NR5A1: variants seen among roughly 807,000 people sequenced by gnomAD.
NR5A1 encodes nuclear receptor subfamily 5 group A member 1.
Under a neutral mutation model 42.7 loss-of-function variants are expected in NR5A1, and 6 were observed. That is an observed-to-expected ratio of 0.14 (90% CI 0.08 to 0.28). NR5A1 has a LOEUF of 0.28. NR5A1 is among the 10% of genes least tolerant of loss of function. NR5A1 has a pLI of 1.00. For missense variants in NR5A1, 442 were observed against 626.4 expected (o/e 0.71, Z 3.14); for synonymous variants, 274 against 277.5 (o/e 0.99, Z 0.12).
At chr9:124,488,309 G>C (rs1353944575) in intron 6 of NR5A1, among the ~76,000 whole-genome samples, 1 of 152,158 alleles carries the variant, frequency 6.6e-6, no homozygotes, top group East Asian at 1.9e-4. Flanking sequence ...GAACTGGCCA[G>C]CCAAAGGCCT....
chr9:124,491,852 G>C (rs972453010), intron 5 of NR5A1, among the ~76,000 whole-genome samples: 2 of 151,644 alleles, frequency 1.3e-5, no homozygotes, highest in Non-Finnish European at 2.9e-5. Flanking sequence ...CCCACACACT[G>C]ATGTGTGTGG....
chr9:124,504,888 C>G (rs565232797), intron 1 of NR5A1, among the ~76,000 whole-genome samples: 2,420 of 141,824 alleles, frequency 0.017, 27 homozygotes, highest in Non-Finnish European at 0.026. Context: ...CCCCGCCCCC[C>G]ATCCTGCCTC....
intron 4 of NR5A1, 103 bp from the exon 5 acceptor site, chr9:124,493,252 G>T: frequency 6.9e-7 from 1 of 1,453,764 alleles, no homozygotes. Context: ...CGTGCAGCCT[G>T]GGCAAGCTAA....
At position 124,493,036 on chromosome 9, in the gene NR5A1, C is replaced by T. The variant is rs1832340879; in HGVS notation, c.984G>A (p.Gly328=). Reference sequence around the variant, plus strand: ...GGGCCGAGGGACTGGTCACCTCCTGCCCGGTGACCAGCAGGATGCTGCCCT... The same window carrying T: ...GGGCCGAGGGACTGGTCACCTCCTGTCCGGTGACCAGCAGGATGCTGCCCT... ...GKEGSILLVT[G]QEVELTTVAT... is the part of the protein sequence containing the mutation. The change falls in exon 5 of 7, where the codon GGG becomes GGA. Residue 328 remains glycine (G), a synonymous_variant. Coordinates refer to ENST00000373588, the MANE Select transcript of NR5A1 (RefSeq NM_004959.5). 6.3e-7 allele frequency: 1 copy of T among 1,599,122 alleles called. No individual in the cohort carries two copies. The highest frequency in any genetic ancestry group is 1.1e-5 in the South Asian group (1 of 89,238).
At chr9:124,487,744 C>T (rs1007306136) in intron 6 of NR5A1, among the ~76,000 whole-genome samples, 1 of 152,218 alleles carries the variant, frequency 6.6e-6, no homozygotes, top group Non-Finnish European at 1.5e-5. Flanking sequence ...TGGCAAGTGG[C>T]GGTCCCTCTC....
At chr9:124,490,445 C>A (rs2131276882) in intron 6 of NR5A1, among the ~76,000 whole-genome samples, 1 of 152,274 alleles carries the variant, frequency 6.6e-6, no homozygotes, top group South Asian at 2.1e-4. Context: ...CCCCCAAGTG[C>A]TTGGGGAGTG....
intron 1 of NR5A1, among the ~76,000 whole-genome samples, chr9:124,505,901 G>C (rs1398378568): frequency 6.6e-6 from 1 of 152,218 alleles, no homozygotes; most frequent in Non-Finnish European, 1.5e-5. Context: ...CTGGAGAAAC[G>C]GACCCGAAAG....
At chr9:124,504,205 G>T (rs1461280904) in intron 1 of NR5A1, among the ~76,000 whole-genome samples, 1 of 152,144 alleles carries the variant, frequency 6.6e-6, no homozygotes, top group African/African-American at 2.4e-5. Flanking sequence ...GACGAGAGGA[G>T]CCCCGGAGAG....
chr9:124,492,350 G>A (rs1315703938), intron 5 of NR5A1, among the ~76,000 whole-genome samples: 1 of 55,382 alleles, frequency 1.8e-5, no homozygotes, highest in Non-Finnish European at 3.4e-5. Context: ...TGACCCCTCC[G>A]CCTGCCTCCT....
At chr9:124,492,895 G>T in intron 5 of NR5A1, 135 bp downstream of exon 5, 1 of 1,106,856 alleles carries the variant, frequency 9.0e-7, no homozygotes, top group Non-Finnish European at 1.2e-6. Flanking sequence ...CCATGAACGT[G>T]GGGAAAGGGC....
In NR5A1 at chr9:124,505,940, C is replaced by A. The variant is rs547100019; in HGVS notation, c.-16+1309G>T. On this transcript the variant is annotated intron_variant, in intron 1 of 6. Transcript: ENST00000373588. Reference sequence around the variant, plus strand: ...GGGGCCTGCTTGCATCCTGCCTCCGCCCCCGCTGGCACCTGGGGTCAGAGA... The same window carrying A: ...GGGGCCTGCTTGCATCCTGCCTCCGACCCCGCTGGCACCTGGGGTCAGAGA... Among the ~76,000 whole-genome samples the A allele has an allele frequency of 1.4e-3, 210 of 151,404 alleles. 1 individual carries two copies. Among genetic ancestry groups the A allele is most frequent in the South Asian group, 4.4e-3 (21 of 4,814 alleles).
chr9:124,491,696 A>T (rs778424681), intron 5 of NR5A1, among the ~76,000 whole-genome samples: 12 of 150,192 alleles, frequency 8.0e-5, no homozygotes, highest in Non-Finnish European at 1.8e-4. Context: ...CACACACACG[A>T]GCACAGTCAT....
chr9:124,482,368 G>A lies in NR5A1; in HGVS notation c.*390C>T, dbSNP rs1296334452. 7 of 324,056 alleles carry A rather than the reference G, an allele frequency of 2.2e-5. No homozygotes were observed. Among genetic ancestry groups the A allele is most frequent in the Non-Finnish European group, 4.2e-5 (7 of 165,664 alleles). 20.1% of individuals were successfully genotyped at this position (324,056 alleles called of 1,614,324 possible). ...TTCTCCCTGTCTGTTTCCAGGAGAG[G>A]AGGAAGGGATGACCTCTGATCCAAG... On this transcript the variant is annotated 3_prime_UTR_variant, in exon 7 of 7. Coordinates refer to ENST00000373588, the MANE Select transcript of NR5A1 (RefSeq NM_004959.5).
intron 4 of NR5A1, among the ~76,000 whole-genome samples, chr9:124,499,372 G>A (rs138762615): frequency 1.2e-4 from 19 of 152,274 alleles, no homozygotes; most frequent in Middle Eastern, 3.4e-3. Flanking sequence ...AGGCTGCCTC[G>A]CCAGGGAAGA....
At chr9:124,489,857 G>C (rs1391785852) in intron 6 of NR5A1, among the ~76,000 whole-genome samples, 1 of 151,506 alleles carries the variant, frequency 6.6e-6, no homozygotes, top group African/African-American at 2.4e-5. Context: ...TTACCAGCCT[G>C]TTCTGCCAGA....
At chr9:124,487,001 C>G (rs1457889647) in intron 6 of NR5A1, among the ~76,000 whole-genome samples, 1 of 152,246 alleles carries the variant, frequency 6.6e-6, no homozygotes, top group East Asian at 1.9e-4. Context: ...TCTGCATGCC[C>G]AGCTCTGGGC....
chr9:124,495,843 TA>T (rs952240458), intron 4 of NR5A1, among the ~76,000 whole-genome samples: 3 of 152,164 alleles, frequency 2.0e-5, no homozygotes, highest in African/African-American at 7.2e-5. Flanking sequence ...GTGAGGCTGA[TA>T]GGGGTGCCAG....
At chr9:124,502,740 G>A (rs1226171539) in intron 3 of NR5A1, among the ~76,000 whole-genome samples, 2 of 152,236 alleles carry the variant, frequency 1.3e-5, no homozygotes, top group African/African-American at 4.8e-5. Context: ...TGCTGGCTGG[G>A]GTTGGGTATT....
At chr9:124,505,416 TCTC>T (rs760396819) in intron 1 of NR5A1, among the ~76,000 whole-genome samples, 53 of 152,064 alleles carry the variant, frequency 3.5e-4, no homozygotes, top group Non-Finnish European at 4.6e-4. Flanking sequence ...GCCCACCACA[TCTC>T]CTCACTCGAG....
Sources: gnomAD v4.1 joint callset for allele counts (sites outside exome capture counted in the v4.1 genomes callset) on GRCh38, gnomAD v4.1.1 for gene constraint, MANE v1.5 for transcripts, NCBI Gene and HGNC (gene_info 2026-07-23, HGNC 2026-07-21) for gene names.